Variants in DNMT3A observed in about 807,000 individuals in gnomAD.
DNMT3A encodes the protein DNA methyltransferase 3 alpha.
A neutral mutation model predicts 117.6 loss-of-function variants in DNMT3A; 267 were observed. That is an observed-to-expected ratio of 2.27 (90% confidence interval 2.05 to 2.51). The LOEUF (loss-of-function observed/expected upper bound fraction) is 2.51, where lower values mean the gene tolerates loss of function less well. DNMT3A is among the 30% of genes most tolerant of loss of function. The pLI, the probability that DNMT3A is intolerant of heterozygous loss-of-function variation, is 0.00. For synonymous variants in DNMT3A, 432 were observed against 474.8 expected (o/e 0.91, Z 1.17); for missense variants, 1,029 against 1,260.2 (o/e 0.82, Z 2.78).
chr2:25,299,577 C>T (rs987800183), intron 3 of DNMT3A, among the ~76,000 whole-genome samples: 2 of 152,200 alleles, frequency 1.3e-5, no homozygotes, highest in African/African-American at 4.8e-5. Flanking sequence ...AAGTCTTAGG[C>T]CCAAGACCAA....
chr2:25,288,187 C>T (rs1471120534), intron 3 of DNMT3A, among the ~76,000 whole-genome samples: 1 of 147,140 alleles, frequency 6.8e-6, no homozygotes, highest in African/African-American at 2.5e-5. Context: ...GTAATCCCAG[C>T]ACTTTGGGCG....
Position 25,247,305 on chromosome 2 carries a change from C to G in DNMT3A, c.1015-147G>C. ...TACAGTGATAAATAATTACCCGATG[C>G]AAAGAGGAGTCCAGACCAAGAGTAG... On this transcript the variant is annotated intron_variant, in intron 8 of 22. Coordinates refer to ENST00000321117, the MANE Select transcript of DNMT3A (RefSeq NM_022552.5). This position sits in a 1 kb window ranked among gnomAD's most constrained non-coding sequence, Gnocchi z 5.6. The G allele has an allele frequency of 1.2e-6, 1 of 847,348 alleles. No individual in the cohort carries two copies. The highest frequency in any genetic ancestry group is 1.8e-6 in the Non-Finnish European group (1 of 540,566). The allele number at this position is 847,348 out of a possible 1,614,324, so 52.5% of individuals were successfully genotyped here. A position where few individuals can be genotyped will look rare whatever the true frequency, so the allele number is the denominator to read the frequency against.
intron 6 of DNMT3A, chr2:25,249,633 A>T: frequency 6.2e-7 from 1 of 1,614,128 alleles, no homozygotes; most frequent in Non-Finnish European, 8.5e-7. Flanking sequence ...TTATTCTCCC[A>T]TTGCACAGCC....
intron 3 of DNMT3A, among the ~76,000 whole-genome samples, chr2:25,288,536 T>G (rs2032499278): frequency 6.6e-6 from 1 of 151,612 alleles, no homozygotes; most frequent in African/African-American, 2.4e-5. Flanking sequence ...GGTCTTGAAC[T>G]TCTGACTTCA....
rs2034126491 is a variant in DNMT3A at position 25,311,620 on chromosome 2, G to A, written c.72+2293C>T. On this transcript the variant is annotated intron_variant, in intron 2 of 22. Transcript: ENST00000321117. The surrounding 1 kb of genome is among the most constrained non-coding windows in gnomAD (Gnocchi z 5.2). Reference sequence around the variant, plus strand: ...TAGGGCTGGGTGTGTGTTTGTTGCCGCTTGAGCCAGAGCAGTTACTATGGG... The same window carrying A: ...TAGGGCTGGGTGTGTGTTTGTTGCCACTTGAGCCAGAGCAGTTACTATGGG... 6.6e-6 allele frequency among the ~76,000 whole-genome samples: 1 copy of A among 152,156 alleles called. No individual in the cohort carries two copies. Among genetic ancestry groups the A allele is most frequent in the Admixed American group, 6.5e-5 (1 of 15,282 alleles).
chr2:25,301,529 A>T (rs2033515137), intron 2 of DNMT3A, among the ~76,000 whole-genome samples: 1 of 151,900 alleles, frequency 6.6e-6, no homozygotes, highest in Admixed American at 6.6e-5. Context: ...CTCACATAAC[A>T]CCTGTGCACG....
chr2:25,309,534 A>G (rs2033984643), intron 2 of DNMT3A, among the ~76,000 whole-genome samples: 1 of 152,112 alleles, frequency 6.6e-6, no homozygotes, highest in Admixed American at 6.5e-5. Flanking sequence ...GAGGACTACG[A>G]ATTCTCATCA....
chr2:25,265,411 CA>C (rs1403723953), intron 6 of DNMT3A, among the ~76,000 whole-genome samples: 2 of 152,240 alleles, frequency 1.3e-5, no homozygotes, highest in African/African-American at 4.8e-5. Flanking sequence ...ACAGAAGCAA[CA>C]CGAGATTTGG....
rs1255882122 is a variant in DNMT3A, at chr2:25,306,949, C to G, written c.73-6706G>C. ...ACATGTCTGCTCCTTCAGTAGCACA[C>G]CCAGCTCTGCCAGCCCTTGCTTAAT... On this transcript the variant is annotated intron_variant, in intron 2 of 22. Transcript: ENST00000321117. The surrounding 1 kb of genome is among the most constrained non-coding windows in gnomAD (Gnocchi z 4.1). 6.6e-6 allele frequency among the ~76,000 whole-genome samples: 1 copy of G among 152,230 alleles called. No homozygotes were observed. Among genetic ancestry groups the G allele is most frequent in the Non-Finnish European group, 1.5e-5 (1 of 68,042 alleles).
At chr2:25,264,790 G>A (rs769248352) in intron 6 of DNMT3A, among the ~76,000 whole-genome samples, 1 of 152,128 alleles carries the variant, frequency 6.6e-6, no homozygotes, top group Non-Finnish European at 1.5e-5. Flanking sequence ...GATGCTTCAC[G>A]TATGTGCCTT....
At chr2:25,265,650 T>C (rs2030260904) in intron 6 of DNMT3A, among the ~76,000 whole-genome samples, 1 of 151,984 alleles carries the variant, frequency 6.6e-6, no homozygotes, top group Non-Finnish European at 1.5e-5. Flanking sequence ...AAACCCCATC[T>C]CTCCTAAAAA....
chr2:25,338,046 C>T (rs2035276270), intron 1 of DNMT3A, among the ~76,000 whole-genome samples: 1 of 152,232 alleles, frequency 6.6e-6, no homozygotes, highest in South Asian at 2.1e-4. Flanking sequence ...GCCAGAGACA[C>T]ACTCAACTCC....
In DNMT3A at chr2:25,306,907, C is replaced by CA. The variant is rs1171803974; in HGVS notation, c.73-6665dup. ...CTACTGCTCTGCCTGTGGCCACTTC[C>CA]ATGGCACCAAGCCCACACATGTCTG... On this transcript the variant is annotated intron_variant, in intron 2 of 22. Transcript: ENST00000321117. The surrounding 1 kb of genome is among the most constrained non-coding windows in gnomAD (Gnocchi z 4.1). 6.6e-6 allele frequency among the ~76,000 whole-genome samples: 1 copy of CA among 152,256 alleles called. No homozygotes were observed. The highest frequency in any genetic ancestry group is 1.5e-5 in the Non-Finnish European group (1 of 68,038).
At position 25,297,561 on chromosome 2, in the gene DNMT3A, A is replaced by G. The variant is rs184578487; in HGVS notation, c.177+2578T>C. Among the ~76,000 whole-genome samples, 461 of 136,154 alleles carry G rather than the reference A, an allele frequency of 3.4e-3. 2 individuals carry two copies. The highest frequency in any genetic ancestry group is 0.013 in the African/African-American group (439 of 34,856). 89.3% of individuals were successfully genotyped at this position (136,154 alleles called of 152,430 possible). A position where few individuals can be genotyped will look rare whatever the true frequency, so the allele number is the denominator to read the frequency against. On this transcript the variant is annotated intron_variant, in intron 3 of 22. Transcript: ENST00000321117. Reference sequence around the variant, plus strand: ...AGTCTCGCTCTGTTGCCCAGGCTGGAGTGCAGTGGCACAATCTTGGCTCAC... The same window carrying G: ...AGTCTCGCTCTGTTGCCCAGGCTGGGGTGCAGTGGCACAATCTTGGCTCAC...
In DNMT3A at chr2:25,341,530, A is replaced by T. The variant is rs1017220176; in HGVS notation, c.-178+296T>A. Among the ~76,000 whole-genome samples the T allele has an allele frequency of 1.6e-4, 23 of 140,442 alleles. No individual in the cohort carries two copies. In the East Asian group the frequency reaches 1.7e-3, roughly 11 times the overall value. The allele number at this position is 140,442 out of a possible 152,430, so 92.1% of individuals were successfully genotyped here. A position where few individuals can be genotyped will look rare whatever the true frequency, so the allele number is the denominator to read the frequency against. On this transcript the variant is annotated intron_variant, in intron 1 of 22. Coordinates refer to ENST00000321117, the MANE Select transcript of DNMT3A (RefSeq NM_022552.5). The stretch of plus-strand genomic sequence containing the variant: ...TGTATAGACTTGAACTTGAGCCCGG[A>T]GCCGGGCGGGGGCGGGGAGGGGGGT...
At position 25,327,733 on chromosome 2, in the gene DNMT3A, C is replaced by T. The variant is rs551541284; in HGVS notation, c.-177-13572G>A. Among the ~76,000 whole-genome samples the T allele has an allele frequency of 6.6e-6, 1 of 152,314 alleles. No individual in the cohort carries two copies. Among genetic ancestry groups the T allele is most frequent in the Admixed American group, 6.5e-5 (1 of 15,294 alleles). ...GGCTCCAGCTCTATTTATTTTCATC[C>T]CAACTGGATGACTTGCAGTCCCTAA... On this transcript the variant is annotated intron_variant, in intron 1 of 22. Coordinates refer to ENST00000321117, the MANE Select transcript of DNMT3A (RefSeq NM_022552.5). This position sits in a 1 kb window ranked among gnomAD's most constrained non-coding sequence, Gnocchi z 4.1.
In DNMT3A at chr2:25,303,771, G is replaced by A. The variant is rs77048378; in HGVS notation, c.73-3528C>T. On this transcript the variant is annotated intron_variant, in intron 2 of 22. Transcript: ENST00000321117. Reference sequence around the variant, plus strand: ...GGAGTCTTAGGGCAAAGCGGGAAGCGATGCTTCTGCTCTGGGCCTGCCTGA... The same window carrying A: ...GGAGTCTTAGGGCAAAGCGGGAAGCAATGCTTCTGCTCTGGGCCTGCCTGA... Among the ~76,000 whole-genome samples, 1,328 of 152,374 alleles carry A rather than the reference G, an allele frequency of 8.7e-3. 26 individuals are homozygous for A. Among genetic ancestry groups the A allele is most frequent in the African/African-American group, 0.03 (1,262 of 41,596 alleles).
intron 1 of DNMT3A, among the ~76,000 whole-genome samples, chr2:25,323,859 C>A (rs1388084307): frequency 1.3e-5 from 2 of 152,162 alleles, no homozygotes; most frequent in East Asian, 3.9e-4. Flanking sequence ...CTATTTTTAT[C>A]CCCATTTTCC....
intron 2 of DNMT3A, among the ~76,000 whole-genome samples, chr2:25,307,127 G>A (rs1390120408): frequency 2.0e-5 from 3 of 152,210 alleles, no homozygotes; most frequent in East Asian, 1.9e-4. Flanking sequence ...GTCAATTACC[G>A]TGCAGAGAAC....
Sources: gnomAD v4.1 joint callset for allele counts (sites outside exome capture counted in the v4.1 genomes callset) on GRCh38, gnomAD v4.1.1 for gene constraint, Gnocchi (gnomAD v3.1) non-coding constraint, MANE v1.5 for transcripts, NCBI Gene and HGNC (gene_info 2026-07-23, HGNC 2026-07-21) for gene names.